The following SKAP1 variants were observed in gnomAD, a reference collection of about 807,000 sequenced individuals.
SKAP1 encodes the protein src kinase-associated phosphoprotein 1.
In SKAP1, 44 loss-of-function variants were observed where a neutral mutation model predicts 58.5. The observed-to-expected ratio is 0.75, with a 90% CI of 0.59 to 0.97. The LOEUF (loss-of-function observed/expected upper bound fraction) is 0.97. Ranked by LOEUF, SKAP1 falls within the 50% of genes least tolerant of loss-of-function variation. SKAP1 has a pLI of 0.00. For synonymous variants in SKAP1, 127 were observed against 149.7 expected (o/e 0.85, Z 1.11); for missense variants, 390 against 435.2 (o/e 0.90, Z 0.92).
chr17:48,139,213 G>A (rs1380964163), intron 11 of SKAP1, among the ~76,000 whole-genome samples: 3 of 147,172 alleles, frequency 2.0e-5, no homozygotes, highest in Non-Finnish European at 3.0e-5. Context: ...ATGGAGTCTC[G>A]CTCTTTTGCC....
At chr17:48,215,049 G>A (rs2064922401) in intron 4 of SKAP1, among the ~76,000 whole-genome samples, 1 of 152,034 alleles carries the variant, frequency 6.6e-6, no homozygotes, top group South Asian at 2.1e-4. Flanking sequence ...GCCTCTCCAA[G>A]TGCTGGGATT....
At chr17:48,415,684 C>T (rs1478334932) in intron 1 of SKAP1, among the ~76,000 whole-genome samples, 2 of 152,110 alleles carry the variant, frequency 1.3e-5, no homozygotes, top group Non-Finnish European at 2.9e-5. Context: ...TGGTTCTCAC[C>T]TCCTCCCTAC....
intron 4 of SKAP1, among the ~76,000 whole-genome samples, chr17:48,276,809 T>C (rs762552470): frequency 2.0e-5 from 3 of 152,200 alleles, no homozygotes; most frequent in Non-Finnish European, 4.4e-5. Flanking sequence ...CAATTTTGCT[T>C]AATTGACATA....
chr17:48,298,415 G>A (rs956535327), intron 4 of SKAP1, among the ~76,000 whole-genome samples: 7 of 152,190 alleles, frequency 4.6e-5, no homozygotes, highest in Admixed American at 4.6e-4. Flanking sequence ...TAGAAAAGTA[G>A]ATGATTGAAT....
intron 2 of SKAP1, among the ~76,000 whole-genome samples, chr17:48,382,783 T>A (rs1276009808): frequency 6.6e-6 from 1 of 152,324 alleles, no homozygotes; most frequent in East Asian, 1.9e-4. Context: ...AGGAAACCAT[T>A]GAACAGGTCT....
chr17:48,136,028 C>A (rs1346276125), intron 12 of SKAP1, among the ~76,000 whole-genome samples: 1 of 152,130 alleles, frequency 6.6e-6, no homozygotes, highest in East Asian at 1.9e-4. Context: ...ATGAATCTCC[C>A]AATTCTAAGC....
At chr17:48,249,100 T>C (rs988400193) in intron 4 of SKAP1, 1 of 152,218 alleles carries the variant, frequency 6.6e-6, no homozygotes, top group Non-Finnish European at 1.5e-5. Context: ...GATCCTCTAA[T>C]AGACAATAAC....
chr17:48,420,341 T>C (rs1287989730), intron 1 of SKAP1, among the ~76,000 whole-genome samples: 2 of 152,242 alleles, frequency 1.3e-5, no homozygotes. Flanking sequence ...TAACTGGTAC[T>C]ACAGTTCCTC....
intron 4 of SKAP1, among the ~76,000 whole-genome samples, chr17:48,311,639 TA>T (rs2066225883): frequency 6.6e-6 from 1 of 152,194 alleles, no homozygotes; most frequent in African/African-American, 2.4e-5. Context: ...TGCCAGAGTT[TA>T]ACCAAAGTGT....
At chr17:48,284,928 C>G (rs2144049160) in intron 4 of SKAP1, among the ~76,000 whole-genome samples, 1 of 152,282 alleles carries the variant, frequency 6.6e-6, no homozygotes, top group South Asian at 2.1e-4. Context: ...TTTCAGCACA[C>G]TGAAATTCTT....
intron 2 of SKAP1, among the ~76,000 whole-genome samples, chr17:48,368,282 T>C (rs1033165425): frequency 6.6e-6 from 1 of 152,206 alleles, no homozygotes; most frequent in African/African-American, 2.4e-5. Context: ...TCTAGAAATA[T>C]AATTCCACAA....
chr17:48,248,698 C>CA (rs996687797), intron 4 of SKAP1, among the ~76,000 whole-genome samples: 5 of 150,154 alleles, frequency 3.3e-5, no homozygotes, highest in African/African-American at 7.3e-5. Flanking sequence ...ATGACAAATG[C>CA]AAAAAAAAAT....
intron 1 of SKAP1, among the ~76,000 whole-genome samples, chr17:48,410,706 C>T (rs1291199558): frequency 6.6e-6 from 1 of 151,894 alleles, no homozygotes; most frequent in African/African-American, 2.4e-5. Context: ...GTGGGCGGAT[C>T]ACTTGAGGTG....
chr17:48,369,466 G>A (rs1321362826), intron 2 of SKAP1, among the ~76,000 whole-genome samples: 1 of 149,516 alleles, frequency 6.7e-6, no homozygotes, highest in Non-Finnish European at 1.5e-5. Flanking sequence ...ACTCCAGCCT[G>A]GGCAACAGAG....
chr17:48,145,360 G>C (rs1484159015), intron 11 of SKAP1, among the ~76,000 whole-genome samples: 1 of 151,164 alleles, frequency 6.6e-6, no homozygotes, highest in Non-Finnish European at 1.5e-5. Context: ...AACAATCAAA[G>C]TGTTTATGGC....
chr17:48,287,734 C>G (rs1292104366), intron 4 of SKAP1, among the ~76,000 whole-genome samples: 1 of 152,158 alleles, frequency 6.6e-6, no homozygotes, highest in Admixed American at 6.5e-5. Flanking sequence ...CTCTAGAGTT[C>G]ATTAGCTTAT....
At chr17:48,174,687 T>C (rs2064265582) in intron 9 of SKAP1, among the ~76,000 whole-genome samples, 1 of 152,212 alleles carries the variant, frequency 6.6e-6, no homozygotes, top group African/African-American at 2.4e-5. Flanking sequence ...GTTGAATTTC[T>C]TTATAAGAAT....
intron 4 of SKAP1, among the ~76,000 whole-genome samples, chr17:48,298,218 G>A (rs150032523): frequency 1.2e-3 from 181 of 152,200 alleles, no homozygotes; most frequent in African/African-American, 4.1e-3. Flanking sequence ...TAAAGTTTCC[G>A]GACTTCTATA....
chr17:48,306,177 A>G (rs993528332), intron 4 of SKAP1, among the ~76,000 whole-genome samples: 2 of 152,230 alleles, frequency 1.3e-5, no homozygotes, highest in Admixed American at 1.3e-4. Flanking sequence ...TGAAGTATGT[A>G]TAGAGACCCC....
Sources: allele counts gnomAD v4.1 joint callset (sites outside exome capture counted in the v4.1 genomes callset), GRCh38; gene constraint gnomAD v4.1.1; transcripts MANE v1.5; gene names NCBI Gene and HGNC (gene_info 2026-07-23, HGNC 2026-07-21).